The following RUFY3 variants were observed in gnomAD, a reference collection of about 807,000 sequenced individuals.
RUFY3 encodes the protein protein RUFY3.
RUFY3 carries 34 observed loss-of-function variants against 84.0 expected under a neutral mutation model. The ratio of observed to expected loss-of-function variants is 0.40; its 90% CI spans 0.31 to 0.54. The LOEUF (loss-of-function observed/expected upper bound fraction) is 0.54. Ranked by LOEUF, RUFY3 falls within the 20% of genes least tolerant of loss-of-function variation. RUFY3 has a pLI of 0.39. For missense variants in RUFY3, 507 were observed against 736.8 expected (o/e 0.69, Z 3.61); for synonymous variants, 242 against 252.9 (o/e 0.96, Z 0.41).
At chr4:70,751,382 C>T (rs1027900773) in intron 1 of RUFY3, among the ~76,000 whole-genome samples, 2 of 152,196 alleles carry the variant, frequency 1.3e-5, no homozygotes, top group African/African-American at 4.8e-5. Flanking sequence ...TACACTCCTA[C>T]AAGCAAGGCA....
chr4:70,770,740 TCTC>T lies in RUFY3; in HGVS notation c.696+2082_696+2084del, dbSNP rs545375703. Among the ~76,000 whole-genome samples, 862 of 152,324 alleles carry T rather than the reference TCTC, an allele frequency of 5.7e-3. 14 individuals are homozygous for T. The highest frequency in any genetic ancestry group is 0.02 in the African/African-American group (836 of 41,586). Reference sequence around the variant, plus strand: ...TAGCACTTAATTCCCTTCAAGCACTTCTCCTTTGCTTTCACAACCTGGCTGTTT... The same window carrying T: ...TAGCACTTAATTCCCTTCAAGCACTTCTTTGCTTTCACAACCTGGCTGTTT... On this transcript the variant is annotated intron_variant, in intron 5 of 17. Transcript: ENST00000381006.
Position 70,707,610 on chromosome 4 carries a change from G to C in RUFY3, c.358+2316G>C, listed in dbSNP as rs1740487864. ...CCTCATGGTCTTTATTTTTGAAATA[G>C]TTTATTGATGTGTATGTGTTCAGAA... On this transcript the variant is annotated intron_variant, in intron 1 of 11. Transcript: ENST00000417478. Among the ~76,000 whole-genome samples the C allele has an allele frequency of 3.3e-5, 5 of 151,666 alleles. No homozygotes were observed. The South Asian group carries it at 8.3e-4, about 25-fold the overall frequency.
rs955420187 is a variant in RUFY3, at chr4:70,762,530, C to G, written c.190C>G (p.Leu64Val). The G allele has an allele frequency of 1.2e-6, 2 of 1,604,626 alleles. No homozygotes were observed. Among genetic ancestry groups the G allele is most frequent in the African/African-American group, 1.3e-5 (1 of 74,674 alleles). The change falls in exon 2 of 18, where the codon CTC becomes GTC. Residue 64 changes from leucine to valine, a missense_variant. This residue lies in a region of RUFY3 where 133 missense variants were observed against 301.1 expected (regional missense o/e 0.44). Coordinates refer to ENST00000381006, the MANE Select transcript of RUFY3 (RefSeq NM_001037442.4). ...CCCTTTGGCTGCAGATCCTAATTAT[C>G]TCATGGCTAATGAACGCATGAACCT... ...PEPTHEDPNY[L>V]MANERMNLMN... is the part of the protein sequence containing the mutation.
intron 10 of RUFY3, among the ~76,000 whole-genome samples, chr4:70,787,183 A>AT (rs1248237414): frequency 6.3e-5 from 8 of 126,040 alleles, no homozygotes; most frequent in African/African-American, 2.3e-4. Flanking sequence ...AAAAAAAAAA[A>AT]AAAAATATAT....
intron 14 of RUFY3, among the ~76,000 whole-genome samples, chr4:70,798,341 C>A (rs1208675463): frequency 6.6e-6 from 1 of 151,974 alleles, no homozygotes; most frequent in Non-Finnish European, 1.5e-5. Flanking sequence ...TGCACTCCAG[C>A]CTGGGCAATA....
chr4:70,731,609 C>G lies in RUFY3; in HGVS notation c.178+8858C>G, dbSNP rs374992463. Among the ~76,000 whole-genome samples the G allele has an allele frequency of 2.0e-5, 3 of 152,012 alleles. No individual in the cohort carries two copies. The East Asian group carries it at 5.8e-4, about 29-fold the overall frequency. On this transcript the variant is annotated intron_variant, in intron 1 of 17. Transcript: ENST00000381006. Reference sequence around the variant, plus strand: ...TTGAGACAGAGTTTCGTTCTGTTGCCCAGTCTGGAGTGCAGTGGCGCAGTC... The same window carrying G: ...TTGAGACAGAGTTTCGTTCTGTTGCGCAGTCTGGAGTGCAGTGGCGCAGTC...
At chr4:70,714,155 G>A (rs999130723) in intron 1 of RUFY3, among the ~76,000 whole-genome samples, 1 of 152,076 alleles carries the variant, frequency 6.6e-6, no homozygotes, top group African/African-American at 2.4e-5. Flanking sequence ...TTCACTGTGA[G>A]CATGCTGACT....
chr4:70,771,108 GT>G (rs780121580), intron 5 of RUFY3, among the ~76,000 whole-genome samples: 1 of 152,130 alleles, frequency 6.6e-6, no homozygotes, highest in Non-Finnish European at 1.5e-5. Context: ...CTGATTACAG[GT>G]TATCATAGCA....
chr4:70,796,245 G>A (rs1048969713), intron 14 of RUFY3, among the ~76,000 whole-genome samples: 1 of 152,086 alleles, frequency 6.6e-6, no homozygotes, highest in African/African-American at 2.4e-5. Context: ...GCAGATGTTG[G>A]CATTCTCTGG....
intron 1 of RUFY3, among the ~76,000 whole-genome samples, chr4:70,726,996 G>C (rs1377753747): frequency 7.8e-6 from 1 of 128,252 alleles, no homozygotes; most frequent in Non-Finnish European, 1.7e-5. Flanking sequence ...ACTTTTGTTT[G>C]TTTGTTTGTT....
intron 4 of RUFY3, among the ~76,000 whole-genome samples, chr4:70,767,007 T>TA (rs1324743748): frequency 6.6e-6 from 1 of 152,220 alleles, no homozygotes; most frequent in African/African-American, 2.4e-5. Context: ...GTGGGAATCA[T>TA]AGAGTATATG....
chr4:70,771,409 C>T (rs1323831032), intron 5 of RUFY3, among the ~76,000 whole-genome samples: 1 of 152,070 alleles, frequency 6.6e-6, no homozygotes, highest in Non-Finnish European at 1.5e-5. Flanking sequence ...AGAAAATTCA[C>T]CTAAAACTTT....
At chr4:70,750,137 G>A (rs1378963565) in intron 1 of RUFY3, among the ~76,000 whole-genome samples, 3 of 151,930 alleles carry the variant, frequency 2.0e-5, no homozygotes, top group Non-Finnish European at 2.9e-5. Flanking sequence ...CCTCAGCCCC[G>A]AGTAGCTAGG....
upstream of RUFY3, among the ~76,000 whole-genome samples, chr4:70,721,141 G>T (rs890689464): frequency 3.3e-5 from 5 of 151,546 alleles, no homozygotes; most frequent in Non-Finnish European, 7.4e-5. Flanking sequence ...GTGAAACCCC[G>T]TCTCTACTAA....
chr4:70,746,827 T>A (rs952497199), intron 1 of RUFY3, among the ~76,000 whole-genome samples: 1 of 152,210 alleles, frequency 6.6e-6, no homozygotes, highest in Non-Finnish European at 1.5e-5. Flanking sequence ...TCTATTTACA[T>A]AACAGTCTTG....
chr4:70,760,357 C>T (rs1229286819), intron 1 of RUFY3, among the ~76,000 whole-genome samples: 2 of 152,184 alleles, frequency 1.3e-5, no homozygotes, highest in African/African-American at 4.8e-5. Flanking sequence ...AGCTTGTAAA[C>T]TTTGACTAGC....
At chr4:70,760,243 G>T (rs914895793) in intron 1 of RUFY3, among the ~76,000 whole-genome samples, 1 of 152,170 alleles carries the variant, frequency 6.6e-6, no homozygotes, top group Admixed American at 6.5e-5. Flanking sequence ...AGATGGGTTG[G>T]TATAAATCTA....
At chr4:70,772,126 T>G (rs1183506089) in intron 5 of RUFY3, among the ~76,000 whole-genome samples, 1 of 149,634 alleles carries the variant, frequency 6.7e-6, no homozygotes, top group East Asian at 1.9e-4. Context: ...TAATATAATA[T>G]AAATATATAT....
At chr4:70,773,102 G>T (rs537376252) in intron 5 of RUFY3, among the ~76,000 whole-genome samples, 2 of 152,308 alleles carry the variant, frequency 1.3e-5, no homozygotes, top group Non-Finnish European at 2.9e-5. Context: ...GGGATTATGA[G>T]TGTTTAATAT....
Sources: allele counts gnomAD v4.1 joint callset (sites outside exome capture counted in the v4.1 genomes callset), GRCh38; gene constraint gnomAD v4.1.1; regional missense constraint gnomAD v4.1.1; transcripts MANE v1.5; gene names NCBI Gene and HGNC (gene_info 2026-07-23, HGNC 2026-07-21).